RIT2: variants seen among roughly 807,000 people sequenced by gnomAD.
RIT2 encodes GTP-binding protein Rit2.
RIT2 carries 24 observed loss-of-function variants against 23.7 expected under a neutral mutation model. The ratio of observed to expected loss-of-function variants is 1.01; its 90% CI spans 0.73 to 1.43. The LOEUF is 1.43. RIT2 is among the 40% of genes most tolerant of loss of function. The pLI, the probability that RIT2 is intolerant of heterozygous loss-of-function variation, is 0.00. For missense variants in RIT2, 236 were observed against 266.9 expected, an observed-to-expected ratio of 0.88 and a Z score of 0.81; for synonymous variants, 107 against 91.1, an observed-to-expected ratio of 1.17 and a Z score of -0.99.
intron 1 of RIT2, among the ~76,000 whole-genome samples, chr18:43,040,109 G>A (rs1437865737): frequency 1.3e-5 from 2 of 152,094 alleles, no homozygotes; most frequent in Non-Finnish European, 2.9e-5. Context: ...AGATTTTAAA[G>A]TTCACCCATA....
chr18:42,983,985 C>CAT (rs1910652316), intron 2 of RIT2, among the ~76,000 whole-genome samples: 1 of 152,030 alleles, frequency 6.6e-6, no homozygotes, highest in Admixed American at 6.6e-5. Flanking sequence ...ATGCATGTAT[C>CAT]ATACAGAGCA....
intron 1 of RIT2, among the ~76,000 whole-genome samples, chr18:43,099,684 T>C (rs942372768): frequency 2.0e-5 from 3 of 152,118 alleles, no homozygotes; most frequent in African/African-American, 7.2e-5. Flanking sequence ...CTCTCTATAA[T>C]ATCAAGAGCC....
At chr18:42,854,717 A>C (rs1377878370) in intron 4 of RIT2, among the ~76,000 whole-genome samples, 3 of 152,250 alleles carry the variant, frequency 2.0e-5, no homozygotes, top group Admixed American at 2.0e-4. Flanking sequence ...CTCCAAGAAG[A>C]TAAGACTATA....
At chr18:42,972,083 A>AT (rs766996296) in intron 3 of RIT2, among the ~76,000 whole-genome samples, 142 of 151,886 alleles carry the variant, frequency 9.3e-4, no homozygotes, top group African/African-American at 3.1e-3. Context: ...CAGAGCAGCC[A>AT]TTTTTTTTAT....
chr18:42,938,895 T>G (rs1043114503), intron 3 of RIT2, among the ~76,000 whole-genome samples: 8 of 152,006 alleles, frequency 5.3e-5, no homozygotes, highest in African/African-American at 1.9e-4. Context: ...TGTGCCACCA[T>G]GCTCAGCTAA....
chr18:42,926,438 T>G (rs966682828), intron 3 of RIT2, among the ~76,000 whole-genome samples: 19 of 151,966 alleles, frequency 1.3e-4, no homozygotes, highest in South Asian at 6.2e-4. Context: ...CTTTTTGTTG[T>G]TCAACTGTAT....
At chr18:43,031,187 C>A (rs907111670) in intron 2 of RIT2, among the ~76,000 whole-genome samples, 1 of 151,688 alleles carries the variant, frequency 6.6e-6, no homozygotes, top group African/African-American at 2.4e-5. Flanking sequence ...TCTTCACCAG[C>A]CTAATTCCTA....
intron 3 of RIT2, among the ~76,000 whole-genome samples, chr18:42,930,643 T>G (rs1351303786): frequency 6.6e-6 from 1 of 152,068 alleles, no homozygotes; most frequent in African/African-American, 2.4e-5. Flanking sequence ...AGAAAATAAA[T>G]AACTTAAGGG....
intron 1 of RIT2, among the ~76,000 whole-genome samples, chr18:43,040,534 T>C (rs1466401585): frequency 1.3e-5 from 2 of 152,278 alleles, no homozygotes; most frequent in African/African-American, 2.4e-5. Flanking sequence ...CTGAGTTCTT[T>C]ATGAAAAATT....
At chr18:42,801,060 G>T (rs1905527692) in intron 4 of RIT2, among the ~76,000 whole-genome samples, 1 of 151,978 alleles carries the variant, frequency 6.6e-6, no homozygotes, top group African/African-American at 2.4e-5. Context: ...AAAGCAAACA[G>T]CCTCATGTGT....
chr18:42,800,088 T>C (rs1021078614), intron 4 of RIT2, among the ~76,000 whole-genome samples: 1 of 152,192 alleles, frequency 6.6e-6, no homozygotes, highest in African/African-American at 2.4e-5. Context: ...CAATAAACAT[T>C]GGTTAATCAA....
At chr18:42,778,829 A>G (rs1913739872) in intron 4 of RIT2, among the ~76,000 whole-genome samples, 1 of 152,176 alleles carries the variant, frequency 6.6e-6, no homozygotes, top group South Asian at 2.1e-4. Context: ...CTTCCATCCC[A>G]TAATGGGCAA....
intron 4 of RIT2, among the ~76,000 whole-genome samples, chr18:42,914,292 G>A (rs770645027): frequency 6.6e-5 from 10 of 151,956 alleles, no homozygotes; most frequent in Admixed American, 2.6e-4. Context: ...TTGCTCTTGC[G>A]CATTTATTCT....
chr18:42,780,173 G>A (rs1913778403), intron 4 of RIT2, among the ~76,000 whole-genome samples: 1 of 143,784 alleles, frequency 7.0e-6, no homozygotes, highest in South Asian at 2.3e-4. Context: ...ATATTTTAGG[G>A]AGGCAGAAGT....
chr18:43,077,913 AT>A (rs1913063775), intron 1 of RIT2, among the ~76,000 whole-genome samples: 1 of 152,170 alleles, frequency 6.6e-6, no homozygotes, highest in African/African-American at 2.4e-5. Context: ...ATGAGGCAAA[AT>A]TACCTAGATG....
At chr18:43,089,920 CA>C (rs1913381250) in intron 1 of RIT2, among the ~76,000 whole-genome samples, 5 of 151,862 alleles carry the variant, frequency 3.3e-5, no homozygotes, top group Admixed American at 3.3e-4. Flanking sequence ...AATATACATC[CA>C]AAACTATAAA....
At chr18:42,938,910 T>C (rs986275745) in intron 3 of RIT2, among the ~76,000 whole-genome samples, 79 of 152,138 alleles carry the variant, frequency 5.2e-4, no homozygotes, top group African/African-American at 1.7e-3. Flanking sequence ...AGCTAATTTT[T>C]CATTTTTTAA....
intron 2 of RIT2, among the ~76,000 whole-genome samples, chr18:43,030,324 GA>G (rs1158698994): frequency 2.0e-5 from 3 of 151,972 alleles, no homozygotes; most frequent in African/African-American, 7.2e-5. Flanking sequence ...AGATGTAGGT[GA>G]AAAAATGAAG....
intron 4 of RIT2, among the ~76,000 whole-genome samples, chr18:42,894,056 T>C (rs1025102771): frequency 6.6e-6 from 1 of 152,222 alleles, no homozygotes; most frequent in Non-Finnish European, 1.5e-5. Flanking sequence ...TCTTTGTCTA[T>C]GTCAGAACGC....
Sources: gnomAD v4.1 joint callset for allele counts (sites outside exome capture counted in the v4.1 genomes callset) on GRCh38, gnomAD v4.1.1 for gene constraint, MANE v1.5 for transcripts, NCBI Gene and HGNC (gene_info 2026-07-23, HGNC 2026-07-21) for gene names.